The following RASGRF2 variants were observed in gnomAD, a reference collection of about 807,000 sequenced individuals.
The protein encoded by RASGRF2 is Ras protein specific guanine nucleotide releasing factor 2.
RASGRF2 carries 76 observed loss-of-function variants against 151.0 expected under a neutral mutation model. The observed-to-expected ratio is 0.50, with a 90% CI of 0.42 to 0.61. RASGRF2 has a LOEUF of 0.61. Ranked by LOEUF, RASGRF2 falls within the 20% of genes least tolerant of loss-of-function variation. The pLI, the probability that RASGRF2 is intolerant of heterozygous loss-of-function variation, is 0.00. For missense variants in RASGRF2, 1,148 were observed against 1,564.6 expected (o/e 0.73, Z 4.49); for synonymous variants, 504 against 566.5 (o/e 0.89, Z 1.57).
intron 1 of RASGRF2, among the ~76,000 whole-genome samples, chr5:80,989,210 A>AT (rs1748571669): frequency 6.6e-6 from 1 of 152,008 alleles, no homozygotes; most frequent in South Asian, 2.1e-4. Flanking sequence ...GCCTCAAGTG[A>AT]TCCCCCCGCG....
intron 3 of RASGRF2, chr5:81,070,131 A>G (rs1027207704): frequency 8.1e-6 from 2 of 247,088 alleles, no homozygotes; most frequent in African/African-American, 4.4e-5. Context: ...TGTGGGGACC[A>G]CAGGACATTG....
intron 22 of RASGRF2, among the ~76,000 whole-genome samples, chr5:81,210,855 T>TC (rs1269025496): frequency 6.6e-6 from 1 of 152,098 alleles, no homozygotes; most frequent in African/African-American, 2.4e-5. Flanking sequence ...CCTTTAAGAC[T>TC]CAATGCAAGG....
intron 2 of RASGRF2, among the ~76,000 whole-genome samples, chr5:81,064,620 G>T (rs183259762): frequency 2.0e-5 from 3 of 152,284 alleles, no homozygotes; most frequent in Admixed American, 6.5e-5. Flanking sequence ...GAAGGATCTT[G>T]TGGGACATTA....
rs1267917028 is a variant in RASGRF2, at chr5:81,086,938, A to T, written c.1375A>T (p.Thr459Ser). ...TGACATCTTGCTGGACACCAGCCAA[A>T]CGTTCATCCGCCAAGGTAAGTCCCT... Reference protein sequence around the residue: ...GCDILLDTSQTFIRQGSLIQV... With the variant: ...GCDILLDTSQSFIRQGSLIQV... Residue 459 changes from threonine to serine, a missense_variant, in exon 9 of 27, where the codon ACG (threonine) becomes TCG (serine). Transcript: ENST00000265080. 6.2e-7 allele frequency: 1 copy of T among 1,613,590 alleles called. No homozygotes were observed. The highest frequency in any genetic ancestry group is 8.5e-7 in the Non-Finnish European group (1 of 1,179,596).
rs1360276383 is a variant in RASGRF2, at chr5:81,230,072, CAG to C, written c.*4305_*4306del. The C allele has an allele frequency of 2.6e-5, 4 of 152,174 alleles. No individual in the cohort carries two copies. Among genetic ancestry groups the C allele is most frequent in the Admixed American group, 1.3e-4 (2 of 15,276 alleles). 9.4% of individuals were successfully genotyped at this position (152,174 alleles called of 1,614,324 possible). On this transcript the variant is annotated 3_prime_UTR_variant, in exon 27 of 27. Transcript: ENST00000265080. ...AAATTTGTGGACATTTGTGATTGGACAGAGGGGTTTGTGCTGTGGCCTAACAC... is the reference window on the plus strand; with the variant it reads ...AAATTTGTGGACATTTGTGATTGGACAGGGGTTTGTGCTGTGGCCTAACAC...
chr5:81,141,316 T>C lies in RASGRF2; in HGVS notation c.2686+14153T>C, dbSNP rs114372987. Among the ~76,000 whole-genome samples, 573 of 152,324 alleles carry C rather than the reference T, an allele frequency of 3.8e-3. 1 individual carries two copies. Among genetic ancestry groups the C allele is most frequent in the African/African-American group, 0.013 (555 of 41,578 alleles). ...AGAGAGTTGATCTCTTCTCGGGCAC[T>C]GTGCTTGACCACATTTGCTTTCAGA... is the stretch of plus-strand genomic sequence containing the variant. On this transcript the variant is annotated intron_variant, in intron 17 of 26. Coordinates refer to ENST00000265080, the MANE Select transcript of RASGRF2 (RefSeq NM_006909.3).
chr5:80,978,035 T>C (rs1748181490), intron 1 of RASGRF2, among the ~76,000 whole-genome samples: 1 of 152,192 alleles, frequency 6.6e-6, no homozygotes, highest in South Asian at 2.1e-4. Flanking sequence ...CCTTAGAGGA[T>C]AGGTGAGTGA....
chr5:80,966,161 G>A (rs908435475), intron 1 of RASGRF2, among the ~76,000 whole-genome samples: 10 of 151,492 alleles, frequency 6.6e-5, no homozygotes, highest in Admixed American at 1.3e-4. Flanking sequence ...ATTTTCTACC[G>A]TTGAATATTA....
At chr5:81,197,771 G>A (rs182085750) in intron 18 of RASGRF2, among the ~76,000 whole-genome samples, 4 of 152,256 alleles carry the variant, frequency 2.6e-5, no homozygotes, top group East Asian at 3.9e-4. Flanking sequence ...TTATATGGGG[G>A]AAAATAAACA....
chr5:81,031,257 C>G (rs1052865419), intron 1 of RASGRF2, among the ~76,000 whole-genome samples: 3 of 152,150 alleles, frequency 2.0e-5, no homozygotes, highest in African/African-American at 7.2e-5. Context: ...AGAAAGTTAA[C>G]AAGGATATCC....
chr5:81,061,446 T>A (rs1342078568), intron 2 of RASGRF2, among the ~76,000 whole-genome samples: 1 of 152,122 alleles, frequency 6.6e-6, no homozygotes, highest in Non-Finnish European at 1.5e-5. Context: ...TAGCCCTGAG[T>A]ACTATTTTTC....
At chr5:81,142,449 G>C (rs969083309) in intron 17 of RASGRF2, among the ~76,000 whole-genome samples, 9 of 152,210 alleles carry the variant, frequency 5.9e-5, no homozygotes, top group African/African-American at 2.2e-4. Flanking sequence ...TGGGAAGCAG[G>C]CTGCCTGTGT....
intron 1 of RASGRF2, 123 bp downstream of exon 1, chr5:80,961,149 C>G: frequency 1.7e-6 from 2 of 1,150,678 alleles, no homozygotes; most frequent in Non-Finnish European, 2.3e-6. Context: ...CGAAATCCCC[C>G]CGCGTCACCA....
chr5:80,969,725 A>G (rs916476184), intron 1 of RASGRF2, among the ~76,000 whole-genome samples: 20 of 150,968 alleles, frequency 1.3e-4, no homozygotes, highest in African/African-American at 4.4e-4. Context: ...TGCTGGGATT[A>G]CAGGCGTGAG....
intron 12 of RASGRF2, among the ~76,000 whole-genome samples, chr5:81,107,969 G>C (rs1275216779): frequency 6.6e-6 from 1 of 152,170 alleles, no homozygotes; most frequent in Non-Finnish European, 1.5e-5. Flanking sequence ...TATGAAAATG[G>C]CTGAAATACT....
chr5:81,125,033 G>T (rs190747060), intron 16 of RASGRF2, among the ~76,000 whole-genome samples: 1 of 152,022 alleles, frequency 6.6e-6, no homozygotes, highest in African/African-American at 2.4e-5. Flanking sequence ...GATTACAGCC[G>T]TGGGCCACCA....
rs1178040991 is a variant in RASGRF2 at position 80,969,662 on chromosome 5, A to G, written c.288+8636A>G. 4.6e-5 allele frequency among the ~76,000 whole-genome samples: 7 copies of G among 150,656 alleles called. No individual in the cohort carries two copies. In the East Asian group the frequency reaches 5.9e-4, roughly 13 times the overall value. Reference sequence around the variant, plus strand: ...GAGACGGGGTTTCACCGTGTTAGCCAGGATGATCTCGATCTCCTGACCTCG... The same window carrying G: ...GAGACGGGGTTTCACCGTGTTAGCCGGGATGATCTCGATCTCCTGACCTCG... On this transcript the variant is annotated intron_variant, in intron 1 of 26. Coordinates refer to ENST00000265080, the MANE Select transcript of RASGRF2 (RefSeq NM_006909.3).
At chr5:81,146,977 A>G (rs73128863) in intron 17 of RASGRF2, among the ~76,000 whole-genome samples, 7,699 of 152,258 alleles carry the variant, frequency 0.051, 563 homozygotes, top group African/African-American at 0.16. Flanking sequence ...AAATACATTG[A>G]GTAAAAGTAC....
chr5:81,130,897 AG>A (rs67927394), intron 17 of RASGRF2, among the ~76,000 whole-genome samples: 5,196 of 152,224 alleles, frequency 0.034, 324 homozygotes, highest in African/African-American at 0.12. Context: ...ACAGGAAACA[AG>A]GTATAGCCCA....
Sources: gnomAD v4.1 joint callset for allele counts (sites outside exome capture counted in the v4.1 genomes callset) on GRCh38, gnomAD v4.1.1 for gene constraint, MANE v1.5 for transcripts, NCBI Gene and HGNC (gene_info 2026-07-23, HGNC 2026-07-21) for gene names.